The following IGSF11 variants were observed in gnomAD, a reference collection of about 807,000 sequenced individuals.
The protein encoded by IGSF11 is immunoglobulin superfamily member 11.
In IGSF11, 22 loss-of-function variants were observed where a neutral mutation model predicts 41.0. That is an observed-to-expected ratio of 0.54 (90% CI 0.38 to 0.77). IGSF11 has a LOEUF of 0.77. Ranked by LOEUF, IGSF11 falls within the 30% of genes least tolerant of loss-of-function variation. IGSF11 has a pLI of 0.00. For synonymous variants in IGSF11, 219 were observed against 201.3 expected, an observed-to-expected ratio of 1.09 and a Z score of -0.74; for missense variants, 444 against 530.8, an observed-to-expected ratio of 0.84 and a Z score of 1.61.
At chr3:118,942,185 AC>A (rs1482116789) in intron 1 of IGSF11, among the ~76,000 whole-genome samples, 4 of 152,230 alleles carry the variant, frequency 2.6e-5, no homozygotes, top group Admixed American at 1.3e-4. Flanking sequence ...TGGGAAGCTC[AC>A]AGAATCATGG....
At chr3:119,066,195 A>G (rs909500154) in intron 1 of IGSF11, among the ~76,000 whole-genome samples, 1 of 152,200 alleles carries the variant, frequency 6.6e-6, no homozygotes, top group African/African-American at 2.4e-5. Context: ...CTGATCCAGG[A>G]TGATCTTATC....
upstream of IGSF11, among the ~76,000 whole-genome samples, chr3:119,106,492 T>C (rs575683218): frequency 6.6e-6 from 1 of 152,324 alleles, no homozygotes; most frequent in South Asian, 2.1e-4. Context: ...TCACCTGACA[T>C]AATGACCTAC....
At chr3:118,910,098 G>A (rs570134029) in intron 4 of IGSF11, among the ~76,000 whole-genome samples, 8 of 152,242 alleles carry the variant, frequency 5.3e-5, no homozygotes, top group African/African-American at 1.9e-4. Context: ...ACCCACTTCT[G>A]TTGACTCTGC....
intron 1 of IGSF11, among the ~76,000 whole-genome samples, chr3:119,032,540 T>A (rs1202100778): frequency 6.6e-6 from 1 of 152,136 alleles, no homozygotes; most frequent in Non-Finnish European, 1.5e-5. Context: ...ACTTTTTGGC[T>A]CTTTCTCCCT....
chr3:118,929,385 T>A (rs1942640029), intron 2 of IGSF11, among the ~76,000 whole-genome samples: 1 of 152,206 alleles, frequency 6.6e-6, no homozygotes. Context: ...ACTACAAAAA[T>A]TCTATGAAGA....
intron 1 of IGSF11, among the ~76,000 whole-genome samples, chr3:119,073,620 G>A (rs191329328): frequency 2.0e-5 from 3 of 152,178 alleles, no homozygotes; most frequent in Non-Finnish European, 4.4e-5. Context: ...GGGGCCCGGC[G>A]CACGCTCTGC....
intron 1 of IGSF11, among the ~76,000 whole-genome samples, chr3:119,129,394 T>C (rs1276758695): frequency 3.3e-5 from 5 of 152,164 alleles, no homozygotes; most frequent in African/African-American, 7.2e-5. Flanking sequence ...AACTGGGGTA[T>C]GTAAACTACT....
At chr3:119,117,939 G>A (rs542864014) in intron 1 of IGSF11, among the ~76,000 whole-genome samples, 1 of 152,360 alleles carries the variant, frequency 6.6e-6, no homozygotes, top group East Asian at 1.9e-4. Context: ...ATGACTCCGT[G>A]TCTCACATCT....
rs374611551 is a variant in IGSF11 at position 118,904,617 on chromosome 3, A to G, written c.854+31T>C. On this transcript the variant is annotated intron_variant, in intron 6 of 6. Transcript: ENST00000393775. ...GAATAGAAGTACACAATGGCTATGC[A>G]GGACAAATTTTAAAAATCTGACATA... is the stretch of plus-strand genomic sequence containing the variant. 8 of 1,527,628 alleles carry G rather than the reference A, an allele frequency of 5.2e-6. No individual in the cohort carries two copies. The African/African-American group carries it at 9.6e-5, about 18-fold the overall frequency. The allele number at this position is 1,527,628 out of a possible 1,614,324, so 94.6% of individuals were successfully genotyped here.
At chr3:118,962,605 G>C (rs1357332131) in intron 1 of IGSF11, among the ~76,000 whole-genome samples, 1 of 152,138 alleles carries the variant, frequency 6.6e-6, no homozygotes, top group Non-Finnish European at 1.5e-5. Context: ...CTGAGGGACA[G>C]ACAGGTGAAA....
At chr3:119,008,537 G>A (rs2107688995) in intron 1 of IGSF11, among the ~76,000 whole-genome samples, 1 of 152,290 alleles carries the variant, frequency 6.6e-6, no homozygotes, top group East Asian at 1.9e-4. Context: ...GTTTTTAGGA[G>A]GAGGAAGCAA....
At chr3:118,922,797 A>C (rs749569358) in intron 4 of IGSF11, among the ~76,000 whole-genome samples, 20 of 152,196 alleles carry the variant, frequency 1.3e-4, no homozygotes, top group African/African-American at 2.4e-4. Context: ...GTAAGAGCCC[A>C]TTTCCTGGTT....
rs138697417 is a variant in IGSF11, at chr3:119,047,950, G to A, written c.49+57194C>T. 7.4e-3 allele frequency among the ~76,000 whole-genome samples: 1,128 copies of A among 152,168 alleles called. 18 individuals are homozygous for A. Among genetic ancestry groups the A allele is most frequent in the African/African-American group, 0.026 (1,072 of 41,492 alleles). ...AATAAAGATGTTCTTTGAAACCAAC[G>A]AGAACAAAGACATGACATACCAGAA... On this transcript the variant is annotated intron_variant, in intron 1 of 6. Transcript: ENST00000354673.
intron 1 of IGSF11, among the ~76,000 whole-genome samples, chr3:118,989,404 G>A (rs1454890083): frequency 2.6e-5 from 4 of 151,684 alleles, no homozygotes; most frequent in Admixed American, 2.6e-4. Flanking sequence ...CCAGGCTGGA[G>A]TGCAGTGGCG....
chr3:119,124,033 CCT>C (rs1314886280), intron 1 of IGSF11, among the ~76,000 whole-genome samples: 5 of 151,996 alleles, frequency 3.3e-5, no homozygotes, highest in African/African-American at 1.2e-4. Flanking sequence ...AGGGACCAAT[CCT>C]GGAGAAACAG....
At chr3:118,985,372 T>G (rs1435726340) in intron 1 of IGSF11, among the ~76,000 whole-genome samples, 1 of 152,226 alleles carries the variant, frequency 6.6e-6, no homozygotes, top group Non-Finnish European at 1.5e-5. Flanking sequence ...TCTAAATTTC[T>G]GTCTCTGTCA....
intron 1 of IGSF11, among the ~76,000 whole-genome samples, chr3:119,140,320 G>A (rs961781862): frequency 6.6e-6 from 1 of 152,106 alleles, no homozygotes; most frequent in African/African-American, 2.4e-5. Flanking sequence ...AAGAGAGCTG[G>A]AGTGGCTATA....
chr3:119,136,761 CAG>C (rs1263404415), intron 1 of IGSF11, among the ~76,000 whole-genome samples: 2 of 152,020 alleles, frequency 1.3e-5, no homozygotes, highest in African/African-American at 4.8e-5. Flanking sequence ...ATCTTCCAAA[CAG>C]AAAATCAACA....
chr3:118,902,502 A>C lies in IGSF11; in HGVS notation c.*18T>G, dbSNP rs1232583744. The C allele has an allele frequency of 6.4e-7, 1 of 1,571,152 alleles. No individual in the cohort carries two copies. Among genetic ancestry groups the C allele is most frequent in the Admixed American group, 1.7e-5 (1 of 58,830 alleles). ...GCATTCCATTTATTCATTTCTGAACACAACATTTCCTCATGTCCTATACCA... is the reference window on the plus strand; with the variant it reads ...GCATTCCATTTATTCATTTCTGAACCCAACATTTCCTCATGTCCTATACCA... On this transcript the variant is annotated 3_prime_UTR_variant, in exon 7 of 7. Transcript: ENST00000393775.
Sources: gnomAD v4.1 joint callset for allele counts (sites outside exome capture counted in the v4.1 genomes callset) on GRCh38, gnomAD v4.1.1 for gene constraint, MANE v1.5 for transcripts, NCBI Gene and HGNC (gene_info 2026-07-23, HGNC 2026-07-21) for gene names.